Variants in KIF1A observed in about 807,000 individuals in gnomAD.
KIF1A encodes the protein kinesin-like protein KIF1A.
KIF1A carries 46 observed loss-of-function variants against 227.3 expected under a neutral mutation model. That is an observed-to-expected ratio of 0.20 (90% CI 0.16 to 0.26). The LOEUF is 0.26. KIF1A is among the 10% of genes least tolerant of loss of function. KIF1A has a pLI of 1.00. For synonymous variants in KIF1A, 1,022 were observed against 1,012.8 expected, an observed-to-expected ratio of 1.01 and a Z score of -0.17; for missense variants, 1,683 against 2,485.9, an observed-to-expected ratio of 0.68 and a Z score of 6.87.
At chr2:240,742,289 G>A (rs1283299066) in intron 34 of KIF1A, among the ~76,000 whole-genome samples, 2 of 152,308 alleles carry the variant, frequency 1.3e-5, no homozygotes, top group Admixed American at 1.3e-4. Context: ...CCTCTGGGGT[G>A]CTGGTGCCCG....
At chr2:240,717,932 C>A (rs1489783629) in intron 48 of KIF1A, 118 bp downstream of exon 48, 1 of 731,312 alleles carries the variant, frequency 1.4e-6, no homozygotes, top group Non-Finnish European at 2.4e-6. Flanking sequence ...GGATTGAGGG[C>A]AGGACCCCTG....
Position 240,763,001 on chromosome 2 carries a change from C to A in KIF1A, c.2022+18G>T. ...GTGGGTGGGGGCTGGGCAGGGAGGG[C>A]GGGGCCACGTCACTCACCAGCCGCT... On this transcript the variant is annotated intron_variant, in intron 22 of 48. Coordinates refer to ENST00000498729, the MANE Select transcript of KIF1A (RefSeq NM_001244008.2). 3.7e-6 allele frequency: 4 copies of A among 1,087,370 alleles called. No homozygotes were observed. Among genetic ancestry groups the A allele is most frequent in the Non-Finnish European group, 4.9e-6 (4 of 821,202 alleles). 67.4% of individuals were successfully genotyped at this position (1,087,370 alleles called of 1,614,324 possible).
intron 20 of KIF1A, among the ~76,000 whole-genome samples, chr2:240,764,864 C>T (rs541476329): frequency 4.0e-4 from 61 of 152,218 alleles, no homozygotes; most frequent in Middle Eastern, 3.4e-3. Context: ...AGAAACCCAG[C>T]GGATGGAGTC....
intron 38 of KIF1A, among the ~76,000 whole-genome samples, chr2:240,735,096 G>T (rs569166432): frequency 6.6e-6 from 1 of 152,328 alleles, no homozygotes; most frequent in South Asian, 2.1e-4. Flanking sequence ...CTGCCTGGGG[G>T]TGCCAGCAGA....
At chr2:240,722,412 G>A (rs780846873) in intron 43 of KIF1A, 44 bp downstream of exon 43, 1 of 1,527,610 alleles carries the variant, frequency 6.5e-7, no homozygotes, top group Non-Finnish European at 8.8e-7. Context: ...CAGGGCCCTT[G>A]AGGGCCTGGG....
At chr2:240,750,294 G>A in intron 28 of KIF1A, 135 bp downstream of exon 28, 1 of 645,436 alleles carries the variant, frequency 1.5e-6, no homozygotes, top group Admixed American at 2.6e-5. Context: ...AGAGTGGAGG[G>A]CCAGCTGAGG....
In KIF1A at chr2:240,714,998, C is replaced by T. The variant is rs1022092389; in HGVS notation, c.*2366G>A. The stretch of plus-strand genomic sequence containing the variant: ...TCTGCAGGTTGGCTGGCCTCAGACA[C>T]CTGCGACCTGGGGGGTGCGCCCAGA... On this transcript the variant is annotated 3_prime_UTR_variant, in exon 49 of 49. Transcript: ENST00000498729. 1.3e-5 allele frequency: 2 copies of T among 152,396 alleles called. No individual in the cohort carries two copies. Among genetic ancestry groups the T allele is most frequent in the Non-Finnish European group, 2.9e-5 (2 of 68,066 alleles). The allele number at this position is 152,396 out of a possible 1,614,324, so 9.4% of individuals were successfully genotyped here. A position where few individuals can be genotyped will look rare whatever the true frequency, so the allele number is the denominator to read the frequency against.
chr2:240,774,400 C>A lies in KIF1A; in HGVS notation c.959-139G>T, dbSNP rs578119411. On this transcript the variant is annotated intron_variant, in intron 11 of 48. Coordinates refer to ENST00000498729, the MANE Select transcript of KIF1A (RefSeq NM_001244008.2). ...ACTGAGTCACAGGCTTACCCCCCCCCCCACCCCCACCCCATGAACACAGAC... is the reference window on the plus strand; with the variant it reads ...ACTGAGTCACAGGCTTACCCCCCCCACCACCCCCACCCCATGAACACAGAC... The A allele has an allele frequency of 4.1e-5, 17 of 419,062 alleles. No homozygotes were observed. The South Asian group carries it at 6.2e-4, about 15-fold the overall frequency. 26.0% of individuals were successfully genotyped at this position (419,062 alleles called of 1,614,324 possible).
At chr2:240,818,306 G>A (rs900560210) in intron 1 of KIF1A, among the ~76,000 whole-genome samples, 1 of 152,144 alleles carries the variant, frequency 6.6e-6, no homozygotes, top group African/African-American at 2.4e-5. Flanking sequence ...ACTTCACCCC[G>A]GGTAAAGGCT....
chr2:240,804,172 A>C (rs1389063291), intron 1 of KIF1A, among the ~76,000 whole-genome samples: 1 of 152,214 alleles, frequency 6.6e-6, no homozygotes. Context: ...AGGCTGACAC[A>C]GGAGAATTGC....
chr2:240,744,606 GGGGGAGGGCCATGT>G (rs1418133365), intron 32 of KIF1A, among the ~76,000 whole-genome samples: 3 of 152,218 alleles, frequency 2.0e-5, no homozygotes, highest in African/African-American at 7.2e-5. Context: ...CACACGCAGA[GGGGGAGGGCCATGT>G]GAACAGACAC....
chr2:240,789,275 T>C lies in KIF1A; in HGVS notation c.144A>G (p.Lys48=). The part of the protein sequence containing the change: ...VNPKQPKETP[K]SFSFDYSYWS... ...AGTAGGAGTAGTCAAAGCTGAAGCT[T>C]TTGGGCGTCTCCTTGGGCTGTTTGG... The change falls in exon 3 of 49, where the codon AAA becomes AAG. Residue 48 remains lysine, a synonymous_variant. Transcript: ENST00000498729. The surrounding 1 kb of genome is among the most constrained non-coding windows in gnomAD (Gnocchi z 4.8). 6.2e-7 allele frequency: 1 copy of C among 1,613,858 alleles called. No individual in the cohort carries two copies. The highest frequency in any genetic ancestry group is 1.3e-5 in the African/African-American group (1 of 75,034).
At chr2:240,744,505 C>T (rs2048361507) in intron 32 of KIF1A, among the ~76,000 whole-genome samples, 1 of 152,188 alleles carries the variant, frequency 6.6e-6, no homozygotes, top group Non-Finnish European at 1.5e-5. Context: ...AGGGCCTTTA[C>T]AGAGAAAACG....
chr2:240,806,924 A>G (rs1374916384), intron 1 of KIF1A, among the ~76,000 whole-genome samples: 1 of 152,122 alleles, frequency 6.6e-6, no homozygotes, highest in African/African-American at 2.4e-5. Context: ...AATGGAGGAA[A>G]GAGAGGGAAA....
chr2:240,783,621 T>C (rs2054355794), intron 8 of KIF1A, 118 bp downstream of exon 8: 7 of 734,740 alleles, frequency 9.5e-6, no homozygotes, highest in African/African-American at 8.8e-5. Context: ...ACCCTCCCTA[T>C]GCAGGCTCAC....
chr2:240,718,698 GGGTGACTCC>G (rs1381148385), intron 47 of KIF1A, among the ~76,000 whole-genome samples: 1 of 152,206 alleles, frequency 6.6e-6, no homozygotes, highest in African/African-American at 2.4e-5. Flanking sequence ...CACCCACCTT[GGGTGACTCC>G]GGAGGAGGGG....
In KIF1A at chr2:240,746,031, C is replaced by T. The variant is rs371620074; in HGVS notation, c.3202+8G>A. On this transcript the variant is annotated splice_region_variant and intron_variant, in intron 30 of 48. Transcript: ENST00000498729. ...CTACGCCCTGGGCAGCTGGGGTGGGCGACCCACCTGAACAGGTGTTGTTGT... is the reference window on the plus strand; with the variant it reads ...CTACGCCCTGGGCAGCTGGGGTGGGTGACCCACCTGAACAGGTGTTGTTGT... 105 of 1,607,108 alleles carry T rather than the reference C, an allele frequency of 6.5e-5. No homozygotes were observed. The East Asian group carries it at 1.3e-3, about 19-fold the overall frequency.
rs758225828 is a variant in KIF1A, at chr2:240,779,884, G to A, written c.882+2706C>T. Among the ~76,000 whole-genome samples, 124 of 152,240 alleles carry A rather than the reference G, an allele frequency of 8.1e-4. 2 individuals carry two copies. Among genetic ancestry groups the A allele is most frequent in the Middle Eastern group, 3.4e-3 (1 of 294 alleles). On this transcript the variant is annotated intron_variant, in intron 10 of 48. Coordinates refer to ENST00000498729, the MANE Select transcript of KIF1A (RefSeq NM_001244008.2). ...TCCCACATGGCTCCACACGCAGGCT[G>A]TCCCATGTTTCCCCCCAGGCCTCCC...
chr2:240,726,829 G>C lies in KIF1A; in HGVS notation c.4119C>G (p.Ile1373Met). The change falls in exon 39 of 49, where the codon ATC becomes ATG. Residue 1373 changes from isoleucine (I) to methionine (M), a missense_variant. By Grantham distance (10) the Ile-to-Met change is conservative. Coordinates refer to ENST00000498729, the MANE Select transcript of KIF1A (RefSeq NM_001244008.2). This position sits in a 1 kb window ranked among gnomAD's most constrained non-coding sequence, Gnocchi z 5.2. ...EKIYMTLSAYIEMENCTQPAV... is the reference protein window; with the variant it reads ...EKIYMTLSAYMEMENCTQPAV... ...TGCCCTGGCATAGGTGCCTTGCCTC[G>C]ATATAAGCGGAGAGTGTCATGTAGA... The C allele has an allele frequency of 1.2e-6, 2 of 1,600,968 alleles. No individual in the cohort carries two copies. The highest frequency in any genetic ancestry group is 1.7e-6 in the Non-Finnish European group (2 of 1,170,484).
Sources: gnomAD v4.1 joint callset for allele counts (sites outside exome capture counted in the v4.1 genomes callset) on GRCh38, gnomAD v4.1.1 for gene constraint, Gnocchi (gnomAD v3.1) non-coding constraint, MANE v1.5 for transcripts, NCBI Gene and HGNC (gene_info 2026-07-23, HGNC 2026-07-21) for gene names.